SPMAP2L: variants seen among roughly 807,000 people sequenced by gnomAD.
SPMAP2L encodes the protein sperm microtubule associated protein 2-like.
chr4:56,540,151 C>G, the SPMAP2L span, among the ~76,000 whole-genome samples: 1 of 152,100 alleles, frequency 6.6e-6, no homozygotes, highest in Non-Finnish European at 1.5e-5. Flanking sequence ...TTAAGACAAC[C>G]CTTTGAAGTA....
At chr4:56,554,633 G>A in the SPMAP2L span, among the ~76,000 whole-genome samples, 3 of 152,230 alleles carry the variant, frequency 2.0e-5, no homozygotes, top group African/African-American at 7.2e-5. Context: ...TCTCTTAGCA[G>A]TGTGTTTCAC....
chr4:56,534,925 A>G, the SPMAP2L span, among the ~76,000 whole-genome samples: 2 of 151,394 alleles, frequency 1.3e-5, no homozygotes, highest in Admixed American at 6.6e-5. Flanking sequence ...GTGAAACTCC[A>G]TCTCAACAAC....
chr4:56,552,793 A>G, the SPMAP2L span, among the ~76,000 whole-genome samples: 2 of 152,196 alleles, frequency 1.3e-5, no homozygotes, highest in Non-Finnish European at 2.9e-5. Context: ...TTGGCTGTAC[A>G]TTGGAATCAC....
At chr4:56,578,687 G>C in the SPMAP2L span, among the ~76,000 whole-genome samples, 2 of 151,982 alleles carry the variant, frequency 1.3e-5, no homozygotes, top group African/African-American at 4.8e-5. Flanking sequence ...AAAAAGACCT[G>C]GATTGGCCAT....
the SPMAP2L span, chr4:56,603,498 C>G: frequency 1.0e-5 from 5 of 479,982 alleles, no homozygotes; most frequent in African/African-American, 9.6e-5. Context: ...TGCTGTTAAC[C>G]TGTCGCTGAA....
chr4:56,559,424 G>A, the SPMAP2L span: 307 of 1,526,860 alleles, frequency 2.0e-4, 1 homozygote, highest in Middle Eastern at 2.5e-3. Context: ...GATCCTATTC[G>A]CCCTGTTTCC....
the SPMAP2L span, among the ~76,000 whole-genome samples, chr4:56,533,160 G>C: frequency 6.6e-6 from 1 of 152,144 alleles, no homozygotes; most frequent in Non-Finnish European, 1.5e-5. Flanking sequence ...TGGAATAACA[G>C]ATAATGGCAA....
At chr4:56,594,929 A>G in the SPMAP2L span, 1 of 1,612,098 alleles carries the variant, frequency 6.2e-7, no homozygotes, top group Non-Finnish European at 8.5e-7. Context: ...GACCTTCTGC[A>G]TTCCCCACAG....
the SPMAP2L span, chr4:56,594,900 C>T: frequency 1.9e-5 from 30 of 1,611,184 alleles, 1 homozygote; most frequent in Admixed American, 1.2e-4. Context: ...TCTGATGTCT[C>T]GCACCTAAAT....
chr4:56,542,984 C>T, the SPMAP2L span, among the ~76,000 whole-genome samples: 1 of 151,938 alleles, frequency 6.6e-6, no homozygotes, highest in South Asian at 2.1e-4. Context: ...GCCATCAGAA[C>T]CCATTCATGT....
the SPMAP2L span, among the ~76,000 whole-genome samples, chr4:56,619,881 A>G: frequency 1.9e-4 from 29 of 152,286 alleles, no homozygotes; most frequent in African/African-American, 6.7e-4. Context: ...AAAAACAAAA[A>G]CAAAAACAAA....
chr4:56,600,617 G>A, the SPMAP2L span, among the ~76,000 whole-genome samples: 200 of 152,246 alleles, frequency 1.3e-3, 1 homozygote, highest in African/African-American at 4.4e-3. Context: ...GCCTGGTAGC[G>A]ATATGATCTG....
At chr4:56,570,837 T>C in the SPMAP2L span, among the ~76,000 whole-genome samples, 1 of 152,150 alleles carries the variant, frequency 6.6e-6, no homozygotes, top group South Asian at 2.1e-4. Context: ...AGGCTCTTGC[T>C]CTTTCACCCA....
the SPMAP2L span, among the ~76,000 whole-genome samples, chr4:56,534,616 T>C: frequency 6.6e-6 from 1 of 152,100 alleles, no homozygotes; most frequent in East Asian, 1.9e-4. Flanking sequence ...CCCGCTTGAA[T>C]ATCAATTTGG....
At chr4:56,620,292 AC>A in the SPMAP2L span, among the ~76,000 whole-genome samples, 17 of 151,922 alleles carry the variant, frequency 1.1e-4, no homozygotes, top group African/African-American at 4.1e-4. Flanking sequence ...AGAAAAGAAA[AC>A]CCCAAGCTTA....
At chr4:56,624,805 A>G in the SPMAP2L span, among the ~76,000 whole-genome samples, 3 of 152,334 alleles carry the variant, frequency 2.0e-5, no homozygotes, top group Admixed American at 2.0e-4. Context: ...AGTTTGCTGC[A>G]GGGCGGGGCC....
the SPMAP2L span, chr4:56,595,085 T>C: frequency 6.2e-7 from 1 of 1,611,028 alleles, no homozygotes; most frequent in South Asian, 1.1e-5. Flanking sequence ...TCCAGTTCCA[T>C]CTTGCCCATT....
chr4:56,566,785 C>T, the SPMAP2L span, among the ~76,000 whole-genome samples: 8 of 150,240 alleles, frequency 5.3e-5, no homozygotes, highest in African/African-American at 1.7e-4. Flanking sequence ...CAACCTCCGC[C>T]TCCCGGGTTC....
the SPMAP2L span, chr4:56,603,351 T>C: frequency 6.7e-7 from 1 of 1,485,656 alleles, no homozygotes; most frequent in Non-Finnish European, 9.1e-7. Flanking sequence ...AGTCAGACCC[T>C]GGTTATGTAT....
Sources: allele counts gnomAD v4.1 joint callset (sites outside exome capture counted in the v4.1 genomes callset), GRCh38; gene constraint gnomAD v4.1.1; transcripts MANE v1.5; gene names NCBI Gene and HGNC (gene_info 2026-07-23, HGNC 2026-07-21).